Variants in STARD9 observed in about 807,000 individuals in gnomAD.
STARD9 encodes stAR-related lipid transfer protein 9.
Under a neutral mutation model 399.8 loss-of-function variants are expected in STARD9, and 346 were observed. That is an observed-to-expected ratio of 0.87 (90% CI 0.79 to 0.95). The LOEUF (loss-of-function observed/expected upper bound fraction) is 0.95, where lower values mean the gene tolerates loss of function less well. STARD9 is among the 40% of genes least tolerant of loss of function. The pLI is 0.00. For missense variants in STARD9, 5,832 were observed against 5,667.5 expected, an observed-to-expected ratio of 1.03 and a Z score of -0.93; for synonymous variants, 2,203 against 2,143.5, an observed-to-expected ratio of 1.03 and a Z score of -0.77.
intron 20 of STARD9, among the ~76,000 whole-genome samples, chr15:42,677,087 C>CT (rs2060325833): frequency 1.3e-5 from 1 of 76,844 alleles, no homozygotes. Context: ...CCCGTCTCTA[C>CT]TTAAAAAAAA....
rs759766509 is a variant in STARD9, at chr15:42,688,623, G to A, written c.7045G>A (p.Val2349Ile). The part of the protein sequence containing the change: ...SPRWPRRCLH[V>I]PVALGISSLD... ...AAGGTGGCCAAGAAGGTGTCTTCAT[G>A]TACCTGTTGCTCTAGGCATCTCTTC... Residue 2349 changes from valine (V) to isoleucine (I), a missense_variant, in exon 23 of 33, where the codon GTA becomes ATA. Physicochemically the swap from Val to Ile is conservative, Grantham distance 29. Around this residue, in one of 2 missense-constraint regions of STARD9, gnomAD observed 5,828 missense variants for 5,651.1 expected, o/e 1.03. Coordinates refer to ENST00000290607, the MANE Select transcript of STARD9 (RefSeq NM_020759.3). 1.3e-6 allele frequency: 2 copies of A among 1,537,600 alleles called. No homozygotes were observed. The highest frequency in any genetic ancestry group is 2.4e-5 in the South Asian group (2 of 84,062).
rs1053599655 is a variant in STARD9, at chr15:42,581,631, C to T, written c.48-1715C>T. On this transcript the variant is annotated intron_variant, in intron 1 of 32. Transcript: ENST00000290607. ...TCTAGTTCCCTCGTCTGGCTCCGCC[C>T]CTGCCGCCAGCCGATCCTCGGGCCT... 36 of 633,776 alleles carry T rather than the reference C, an allele frequency of 5.7e-5. No individual in the cohort carries two copies. The South Asian group carries it at 6.6e-4, about 12-fold the overall frequency. 39.3% of individuals were successfully genotyped at this position (633,776 alleles called of 1,614,324 possible).
At chr15:42,715,283 T>A (rs2061329711) in intron 26 of STARD9, among the ~76,000 whole-genome samples, 1 of 152,008 alleles carries the variant, frequency 6.6e-6, no homozygotes, top group South Asian at 2.1e-4. Flanking sequence ...AATGTTAGAT[T>A]AGGGTGGGTT....
chr15:42,686,206 A>G lies in STARD9; in HGVS notation c.4628A>G (p.Asn1543Ser), dbSNP rs992458573. 22 of 1,537,526 alleles carry G rather than the reference A, an allele frequency of 1.4e-5. No homozygotes were observed. Among genetic ancestry groups the G allele is most frequent in the African/African-American group, 4.1e-5 (3 of 73,030 alleles). Residue 1543 changes from asparagine (N) to serine (S), a missense_variant, in exon 23 of 33, where the codon AAT (asparagine) becomes AGT (serine). This residue lies in a region of STARD9 where 5,828 missense variants were observed against 5,651.1 expected (regional missense o/e 1.03). Transcript: ENST00000290607. The part of the protein sequence containing the change: ...PVGPRVSSNL[N>S]LNNFPVHLSR... ...GGCCCTAGGGTATCTAGCAATCTGA[A>G]TCTCAACAACTTTCCAGTCCATCTG...
Position 42,663,306 on chromosome 15 carries a change from C to G in STARD9, c.894C>G (p.Ser298Arg). 3.9e-6 allele frequency: 6 copies of G among 1,534,314 alleles called. No homozygotes were observed. Among genetic ancestry groups the G allele is most frequent in the Non-Finnish European group, 5.2e-6 (6 of 1,144,394 alleles). ...TLAQNSQVFS[S>R]CQSLNSSVSN... Reference sequence around the variant, plus strand: ...CCCAGAACTCCCAAGTTTTCAGCAGCTGCCAGAGCCTCAACAGCTCAGTCA... The same window carrying G: ...CCCAGAACTCCCAAGTTTTCAGCAGGTGCCAGAGCCTCAACAGCTCAGTCA... Residue 298 changes from serine (S) to arginine (R), a missense_variant, in exon 12 of 33, where the codon AGC becomes AGG. Ser to Arg is a moderately radical substitution (Grantham distance 110). Coordinates refer to ENST00000290607, the MANE Select transcript of STARD9 (RefSeq NM_020759.3).
chr15:42,649,232 G>A (rs1019729551), intron 7 of STARD9, among the ~76,000 whole-genome samples: 7 of 151,994 alleles, frequency 4.6e-5, no homozygotes, highest in African/African-American at 7.3e-5. Flanking sequence ...GTTTTACCAC[G>A]TTGGTCAGGC....
At chr15:42,648,680 A>G (rs1566902452) in intron 7 of STARD9, among the ~76,000 whole-genome samples, 3 of 152,304 alleles carry the variant, frequency 2.0e-5, no homozygotes, top group East Asian at 1.9e-4. Context: ...TTAAAAAATC[A>G]TGCTGGGATT....
intron 7 of STARD9, among the ~76,000 whole-genome samples, chr15:42,639,122 G>A (rs908660200): frequency 6.6e-6 from 1 of 152,230 alleles, no homozygotes; most frequent in Non-Finnish European, 1.5e-5. Flanking sequence ...ATCAGGAAGA[G>A]CTTCTCTGAG....
chr15:42,633,520 T>C (rs1279360639), intron 3 of STARD9, among the ~76,000 whole-genome samples: 1 of 152,220 alleles, frequency 6.6e-6, no homozygotes, highest in African/African-American at 2.4e-5. Flanking sequence ...AGCAGTGCTA[T>C]TGGATCCTTG....
At chr15:42,623,672 C>G (rs1251014110) in intron 3 of STARD9, among the ~76,000 whole-genome samples, 1 of 152,172 alleles carries the variant, frequency 6.6e-6, no homozygotes, top group Admixed American at 6.5e-5. Flanking sequence ...ACCTTCATTT[C>G]AAAATTTCTG....
chr15:42,685,976 G>A lies in STARD9; in HGVS notation c.4398G>A (p.Leu1466=). 1 of 1,537,260 alleles carries A rather than the reference G, an allele frequency of 6.5e-7. No homozygotes were observed. Among genetic ancestry groups the A allele is most frequent in the Non-Finnish European group, 8.7e-7 (1 of 1,146,928 alleles). ...ASHNSSVSNV[L]AASATTLTHV... ...ACAATTCTAGCGTATCAAACGTGCTGGCTGCCTCTGCCACCACCTTGACTC... is the reference window on the plus strand; with the variant it reads ...ACAATTCTAGCGTATCAAACGTGCTAGCTGCCTCTGCCACCACCTTGACTC... The change falls in exon 23 of 33, where the codon CTG becomes CTA. Residue 1466 remains leucine (L), a synonymous_variant. Transcript: ENST00000290607.
At chr15:42,706,618 T>A (rs1018824047) in intron 26 of STARD9, among the ~76,000 whole-genome samples, 1 of 152,030 alleles carries the variant, frequency 6.6e-6, no homozygotes, top group Non-Finnish European at 1.5e-5. Flanking sequence ...CCTGGCTAAT[T>A]TTTGTATTTT....
intron 15 of STARD9, among the ~76,000 whole-genome samples, chr15:42,666,208 C>T (rs925898447): frequency 6.6e-6 from 1 of 152,168 alleles, no homozygotes; most frequent in Non-Finnish European, 1.5e-5. Flanking sequence ...TCCCTGCCCT[C>T]ATATGGTTTG....
At chr15:42,659,129 AAAG>A (rs747880937) in intron 9 of STARD9, among the ~76,000 whole-genome samples, 6 of 152,176 alleles carry the variant, frequency 3.9e-5, no homozygotes, top group Non-Finnish European at 7.3e-5. Flanking sequence ...GAAAGAGAGA[AAAG>A]AAGAAGGAAA....
At position 42,575,608 on chromosome 15, in the gene STARD9, A is replaced by C. The variant is rs2058034922; in HGVS notation, c.-108A>C. 4 of 1,257,644 alleles carry C rather than the reference A, an allele frequency of 3.2e-6. No homozygotes were observed. The highest frequency in any genetic ancestry group is 4.4e-6 in the Non-Finnish European group (4 of 918,254). The allele number at this position is 1,257,644 out of a possible 1,614,324, so 77.9% of individuals were successfully genotyped here. ...CGCGTCCGCGCGGCGGCGTCCCCAG[A>C]GGCGCGTGGGGCGGGCGGGGCTGGG... On this transcript the variant is annotated 5_prime_UTR_variant, in exon 1 of 33. Coordinates refer to ENST00000290607, the MANE Select transcript of STARD9 (RefSeq NM_020759.3).
intron 3 of STARD9, among the ~76,000 whole-genome samples, chr15:42,598,734 C>G (rs973355371): frequency 1.6e-4 from 25 of 152,196 alleles, no homozygotes; most frequent in Non-Finnish European, 7.3e-5. Flanking sequence ...TCTCTTCAAG[C>G]TATATTGAAA....
At chr15:42,681,252 C>T (rs895705221) in intron 20 of STARD9, among the ~76,000 whole-genome samples, 170 bp from the exon 21 acceptor site, 4 of 152,172 alleles carry the variant, frequency 2.6e-5, no homozygotes, top group South Asian at 2.1e-4. Flanking sequence ...ACTGTGACAT[C>T]GTAAGCTGCC....
At position 42,688,314 on chromosome 15, in the gene STARD9, T is replaced by C; in HGVS notation, c.6736T>C (p.Leu2246=). The part of the protein sequence containing the change: ...QPWGLGSLEE[L]ETVKGFQESQ... ...TTGGGGCTTAGGAAGTCTTGAGGAA[T>C]TGGAGACTGTGAAAGGTTTTCAGGA... is the stretch of plus-strand genomic sequence containing the variant. The change falls in exon 23 of 33, where the codon TTG becomes CTG. Residue 2246 remains leucine, a synonymous_variant. Coordinates refer to ENST00000290607, the MANE Select transcript of STARD9 (RefSeq NM_020759.3). The C allele has an allele frequency of 1.3e-6, 2 of 1,537,448 alleles. No individual in the cohort carries two copies. Among genetic ancestry groups the C allele is most frequent in the Non-Finnish European group, 1.7e-6 (2 of 1,146,984 alleles).
At chr15:42,609,663 C>T (rs1023758262) in intron 3 of STARD9, among the ~76,000 whole-genome samples, 2 of 151,726 alleles carry the variant, frequency 1.3e-5, no homozygotes, top group African/African-American at 4.8e-5. Flanking sequence ...TAGTCTTGAA[C>T]TCCTGACCTC....
Sources: gnomAD v4.1 joint callset for allele counts (sites outside exome capture counted in the v4.1 genomes callset) on GRCh38, gnomAD v4.1.1 for gene constraint, gnomAD v4.1.1 regional missense constraint, MANE v1.5 for transcripts, NCBI Gene and HGNC (gene_info 2026-07-23, HGNC 2026-07-21) for gene names.